The following COL4A3 variants were observed in gnomAD, a reference collection of about 807,000 sequenced individuals.
COL4A3 encodes collagen type IV alpha 3 chain, also known as collagen alpha-3(IV) chain.
Under a neutral mutation model 217.4 loss-of-function variants are expected in COL4A3, and 135 were observed. The ratio of observed to expected loss-of-function variants is 0.62; its 90% CI spans 0.54 to 0.72. The LOEUF (loss-of-function observed/expected upper bound fraction) is 0.72, where lower values mean the gene tolerates loss of function less well. Among genes scored for constraint, COL4A3 ranks in the 30% least tolerant of loss-of-function variants. The pLI, the probability that COL4A3 is intolerant of heterozygous loss-of-function variation, is 0.00. For missense variants in COL4A3, 1,868 were observed against 2,119.9 expected (o/e 0.88, Z 2.33); for synonymous variants, 690 against 736.3 (o/e 0.94, Z 1.02).
intron 1 of COL4A3, among the ~76,000 whole-genome samples, chr2:227,235,128 G>C (rs560108063): frequency 6.6e-6 from 1 of 150,536 alleles, no homozygotes; most frequent in Non-Finnish European, 1.5e-5. Flanking sequence ...TAGCATGCTC[G>C]GGGGTGGGAG....
chr2:227,258,742 G>A (rs2070356110), intron 18 of COL4A3, among the ~76,000 whole-genome samples: 1 of 152,184 alleles, frequency 6.6e-6, no homozygotes, highest in Non-Finnish European at 1.5e-5. Context: ...ATTTTGGAGG[G>A]AGCACATTCA....
At position 227,280,873 on chromosome 2, in the gene COL4A3, A is replaced by T; in HGVS notation, c.2375-20A>T. The T allele has an allele frequency of 6.6e-7, 1 of 1,506,098 alleles. No individual in the cohort carries two copies. Among genetic ancestry groups the T allele is most frequent in the South Asian group, 1.2e-5 (1 of 83,112 alleles). The allele number at this position is 1,506,098 out of a possible 1,614,324, so 93.3% of individuals were successfully genotyped here. ...CTTAAGTTCTAGCACCTGGGTATAT[A>T]CTTGTGCTTTCTTTTGCAGGAGATC... On this transcript the variant is annotated intron_variant, in intron 30 of 51. Transcript: ENST00000396578.
Position 227,279,802 on chromosome 2 carries a change from G to A in COL4A3, c.2135G>A (p.Gly712Asp). The A allele has an allele frequency of 6.2e-7, 1 of 1,607,306 alleles. No homozygotes were observed. Among genetic ancestry groups the A allele is most frequent in the Non-Finnish European group, 8.5e-7 (1 of 1,177,058 alleles). The change falls in exon 29 of 52, where the codon GGT (glycine) becomes GAT (aspartate). Residue 712 changes from glycine to aspartate, a missense_variant. Coordinates refer to ENST00000396578, the MANE Select transcript of COL4A3 (RefSeq NM_000091.5). ...TGTTTTTTCTCTGTAGGAGACCAAG[G>A]TTTTCCAGGTACAAAAGGATCACTG... ...PGPPGPKGDQ[G>D]FPGTKGSLGC...
At chr2:227,267,212 C>A in intron 23 of COL4A3, 124 bp downstream of exon 23, 1 of 733,138 alleles carries the variant, frequency 1.4e-6, no homozygotes, top group African/African-American at 1.7e-5. Context: ...GGGAGAGTTT[C>A]AAAAACATAT....
At chr2:227,254,777 G>A (rs2070044292) in intron 15 of COL4A3, 62 bp downstream of exon 15, 1 of 1,206,922 alleles carries the variant, frequency 8.3e-7, no homozygotes, top group Non-Finnish European at 1.2e-6. Flanking sequence ...GACTCTTTAG[G>A]TTACAGGAAC....
At chr2:227,254,778 T>C (rs1268636004) in intron 15 of COL4A3, 63 bp downstream of exon 15, 8 of 1,197,182 alleles carry the variant, frequency 6.7e-6, no homozygotes, top group Non-Finnish European at 1.2e-6. Context: ...ACTCTTTAGG[T>C]TACAGGAACA....
chr2:227,259,245 A>G (rs2070390129), intron 18 of COL4A3: 1 of 152,780 alleles, frequency 6.5e-6, no homozygotes, highest in Non-Finnish European at 1.5e-5. Context: ...TGAGCATGTC[A>G]GAAACAATAT....
chr2:227,226,189 C>T (rs77021051), intron 1 of COL4A3, among the ~76,000 whole-genome samples: 2 of 152,152 alleles, frequency 1.3e-5, no homozygotes, highest in African/African-American at 4.8e-5. Context: ...AGACAGCCCT[C>T]TGTTTGTCTT....
chr2:227,202,745 AAATATATAT>A (rs1306109538), intron 1 of COL4A3, among the ~76,000 whole-genome samples: 1,403 of 16,384 alleles, frequency 0.086, 73 homozygotes, highest in African/African-American at 0.21. Flanking sequence ...TAAAAAAAAA[AAATATATAT>A]ATATATATAT....
At chr2:227,294,674 AGTTACT>A in intron 39 of COL4A3, 104 bp downstream of exon 39, 1 of 886,860 alleles carries the variant, frequency 1.1e-6, no homozygotes, top group Non-Finnish European at 1.9e-6. Context: ...GGTAGCTCCT[AGTTACT>A]CAGTATCCAG....
Position 227,206,652 on chromosome 2 carries a change from C to T in COL4A3, c.88-31316C>T, listed in dbSNP as rs183656094. ...AGAACTTGTCAGAAATGCAGACTCTCAAGCCCTGCCCCAGACCTAATGAGT... is the reference window on the plus strand; with the variant it reads ...AGAACTTGTCAGAAATGCAGACTCTTAAGCCCTGCCCCAGACCTAATGAGT... On this transcript the variant is annotated intron_variant, in intron 1 of 51. Transcript: ENST00000396578. 8.3e-3 allele frequency among the ~76,000 whole-genome samples: 1,234 copies of T among 147,922 alleles called. 21 individuals are homozygous for T. The highest frequency in any genetic ancestry group is 0.029 in the African/African-American group (1,180 of 40,182).
chr2:227,266,659 TA>T, intron 22 of COL4A3, 150 bp downstream of exon 22: 1 of 727,276 alleles, frequency 1.4e-6, no homozygotes. Context: ...CATTTATCTG[TA>T]AATCAATAAT....
intron 9 of COL4A3, among the ~76,000 whole-genome samples, chr2:227,249,212 G>GTATATATATA (rs1553751598): frequency 0.011 from 351 of 33,180 alleles, 76 homozygotes; most frequent in East Asian, 0.033. Context: ...AAATTAGCTA[G>GTATATATATA]TATATATATA....
At chr2:227,293,138 T>C in intron 37 of COL4A3, 53 bp from the exon 38 acceptor site, 1 of 1,610,356 alleles carries the variant, frequency 6.2e-7, no homozygotes, top group Non-Finnish European at 8.5e-7. Context: ...GCTGAATTCT[T>C]ACCACATATC....
intron 51 of COL4A3, 41 bp from the exon 52 acceptor site, chr2:227,311,745 T>C (rs778280186): frequency 5.7e-6 from 9 of 1,590,194 alleles, no homozygotes; most frequent in East Asian, 2.2e-5. Context: ...TTCCCTTTTA[T>C]GCATAAATAA....
chr2:227,186,991 G>T (rs2066057446), intron 1 of COL4A3, among the ~76,000 whole-genome samples: 1 of 152,172 alleles, frequency 6.6e-6, no homozygotes, highest in Admixed American at 6.5e-5. Context: ...TAAGGGCACT[G>T]ATCTGCTTCC....
At chr2:227,179,450 G>A (rs1004665873) in intron 1 of COL4A3, among the ~76,000 whole-genome samples, 1 of 152,130 alleles carries the variant, frequency 6.6e-6, no homozygotes, top group Non-Finnish European at 1.5e-5. Flanking sequence ...TCTAAAAATA[G>A]TTTAACCTAC....
At chr2:227,215,132 A>G (rs2067477832) in intron 1 of COL4A3, among the ~76,000 whole-genome samples, 1 of 152,176 alleles carries the variant, frequency 6.6e-6, no homozygotes. Flanking sequence ...GGATAGGTCA[A>G]GAGCCTACCA....
At chr2:227,242,829 G>A (rs1230198993) in intron 3 of COL4A3, among the ~76,000 whole-genome samples, 2 of 152,172 alleles carry the variant, frequency 1.3e-5, no homozygotes, top group Non-Finnish European at 2.9e-5. Context: ...CAGCTTACAT[G>A]TAAAATGCAA....
Sources: allele counts gnomAD v4.1 joint callset (sites outside exome capture counted in the v4.1 genomes callset), GRCh38; gene constraint gnomAD v4.1.1; transcripts MANE v1.5; gene names NCBI Gene and HGNC (gene_info 2026-07-23, HGNC 2026-07-21).